DUSP10: variants seen among roughly 807,000 people sequenced by gnomAD.
DUSP10 encodes dual specificity protein phosphatase 10.
A neutral mutation model predicts 30.8 loss-of-function variants in DUSP10; 14 were observed. That is an observed-to-expected ratio of 0.46 (90% confidence interval 0.30 to 0.71). The LOEUF is 0.71. DUSP10 is among the 30% of genes least tolerant of loss of function. DUSP10 has a pLI of 0.08. For synonymous variants in DUSP10, 254 were observed against 250.4 expected (o/e 1.01, Z -0.14); for missense variants, 550 against 619.4 (o/e 0.89, Z 1.19).
At chr1:221,740,133 C>T (rs1661906856) in intron 1 of DUSP10, among the ~76,000 whole-genome samples, 1 of 152,160 alleles carries the variant, frequency 6.6e-6, no homozygotes, top group Non-Finnish European at 1.5e-5. Flanking sequence ...TCTTAAGAGG[C>T]ATCTATTCTG....
At chr1:221,721,531 G>A (rs1661277567) in intron 2 of DUSP10, among the ~76,000 whole-genome samples, 1 of 152,200 alleles carries the variant, frequency 6.6e-6, no homozygotes, top group Non-Finnish European at 1.5e-5. Context: ...TCCAAGGCTG[G>A]GAAGGAGGGC....
At chr1:221,721,987 C>T (rs998330914) in intron 2 of DUSP10, among the ~76,000 whole-genome samples, 5 of 152,162 alleles carry the variant, frequency 3.3e-5, no homozygotes, top group Admixed American at 1.3e-4. Context: ...TCACCAACCC[C>T]GGGTGGCCCT....
intron 3 of DUSP10, among the ~76,000 whole-genome samples, chr1:221,705,528 T>C (rs906590183): frequency 2.6e-5 from 4 of 152,168 alleles, no homozygotes; most frequent in African/African-American, 7.2e-5. Context: ...AACTTCCTCC[T>C]TGGGAACTAC....
chr1:221,706,068 TG>T lies in DUSP10; in HGVS notation c.1183+26del, dbSNP rs1365341628. ...CTGGAGGGAAAAGGAAGGCAGCGGA[TG>T]AAAATTCCCTATGGGAGATAGTTAC... is the stretch of plus-strand genomic sequence containing the variant. On this transcript the variant is annotated intron_variant, in intron 3 of 3. Transcript: ENST00000366899. The surrounding 1 kb of genome is among the most constrained non-coding windows in gnomAD (Gnocchi z 4.6). The T allele has an allele frequency of 6.3e-7, 1 of 1,594,524 alleles. No individual in the cohort carries two copies. Among genetic ancestry groups the T allele is most frequent in the East Asian group, 2.2e-5 (1 of 44,522 alleles).
rs1261606610 is a variant in DUSP10 at position 221,702,340 on chromosome 1, A to C, written c.*72T>G. 7 of 1,529,566 alleles carry C rather than the reference A, an allele frequency of 4.6e-6. No homozygotes were observed. The highest frequency in any genetic ancestry group is 4.2e-5 in the African/African-American group (3 of 71,482). 94.7% of individuals were successfully genotyped at this position (1,529,566 alleles called of 1,614,324 possible). A position where few individuals can be genotyped will look rare whatever the true frequency, so the allele number is the denominator to read the frequency against. On this transcript the variant is annotated 3_prime_UTR_variant, in exon 4 of 4. Coordinates refer to ENST00000366899, the MANE Select transcript of DUSP10 (RefSeq NM_007207.6). This position sits in a 1 kb window ranked among gnomAD's most constrained non-coding sequence, Gnocchi z 4.5. ...ACTACAAAAAAAAAAAGAAAGAAAA[A>C]AAACCAGAATCCATCCTCCTTCCTC...
chr1:221,706,376 G>T lies in DUSP10; in HGVS notation c.902C>A (p.Ser301Tyr), dbSNP rs766717513. The T allele has an allele frequency of 6.3e-7, 1 of 1,591,488 alleles. No homozygotes were observed. The highest frequency in any genetic ancestry group is 1.7e-5 in the Admixed American group (1 of 58,620). ...CTGAGGTAGCAAGCTCGAGGCCGCG[G>T]ATGCGCCGCCCCCCACCTCCCGGCA... ...QECREVGGGA[S>Y]AASSLLPQPI... The change falls in exon 3 of 4, where the codon TCC becomes TAC. Residue 301 changes from serine (S) to tyrosine (Y), a missense_variant. Transcript: ENST00000366899. The surrounding 1 kb of genome is among the most constrained non-coding windows in gnomAD (Gnocchi z 4.6).
intron 2 of DUSP10, among the ~76,000 whole-genome samples, chr1:221,725,754 C>G (rs905945286): frequency 1.3e-5 from 2 of 152,126 alleles, no homozygotes; most frequent in African/African-American, 4.8e-5. Context: ...GCACTAAAAC[C>G]TCAGGATTTA....
Position 221,702,328 on chromosome 1 carries a change from AAAG to A in DUSP10, c.*81_*83del. ...AACTTACTCCCAACTACAAAAAAAA[AAAG>A]AAAGAAAAAAAACCAGAATCCATCC... is the stretch of plus-strand genomic sequence containing the variant. On this transcript the variant is annotated 3_prime_UTR_variant, in exon 4 of 4. Transcript: ENST00000366899. This position sits in a 1 kb window ranked among gnomAD's most constrained non-coding sequence, Gnocchi z 4.5. 5 of 1,500,858 alleles carry A rather than the reference AAAG, an allele frequency of 3.3e-6. No homozygotes were observed. Among genetic ancestry groups the A allele is most frequent in the African/African-American group, 1.4e-5 (1 of 71,186 alleles). 93.0% of individuals were successfully genotyped at this position (1,500,858 alleles called of 1,614,324 possible). A position where few individuals can be genotyped will look rare whatever the true frequency, so the allele number is the denominator to read the frequency against.
rs1327235153 is a variant in DUSP10 at position 221,701,748 on chromosome 1, G to A, written c.*664C>T. 6.6e-6 allele frequency: 1 copy of A among 151,420 alleles called. No individual in the cohort carries two copies. The highest frequency in any genetic ancestry group is 1.5e-5 in the Non-Finnish European group (1 of 67,902). The allele number at this position is 151,420 out of a possible 1,614,324, so 9.4% of individuals were successfully genotyped here. ...AAAACATCATATTATTGCACAAGAA[G>A]CCAGTGAAGGCATATAATGGTCAGT... On this transcript the variant is annotated 3_prime_UTR_variant, in exon 4 of 4. Coordinates refer to ENST00000366899, the MANE Select transcript of DUSP10 (RefSeq NM_007207.6).
intron 2 of DUSP10, among the ~76,000 whole-genome samples, chr1:221,733,724 C>T (rs1661683539): frequency 6.6e-6 from 1 of 152,198 alleles, no homozygotes; most frequent in Non-Finnish European, 1.5e-5. Context: ...ATGAAGAAAA[C>T]CTGGCCTCTG....
chr1:221,709,002 TAAAA>T (rs58346899), intron 2 of DUSP10, among the ~76,000 whole-genome samples: 1 of 139,868 alleles, frequency 7.1e-6, no homozygotes, highest in Non-Finnish European at 1.5e-5. Context: ...GCAGCTAGTT[TAAAA>T]AAAAAAAAAA....
intron 2 of DUSP10, among the ~76,000 whole-genome samples, chr1:221,727,215 C>T (rs1661448395): frequency 6.6e-6 from 1 of 152,292 alleles, no homozygotes; most frequent in South Asian, 2.1e-4. Flanking sequence ...TATAAGGGAG[C>T]ATCAGCCGGC....
intron 2 of DUSP10, among the ~76,000 whole-genome samples, chr1:221,717,681 T>A (rs1186248568): frequency 6.6e-6 from 1 of 152,126 alleles, no homozygotes; most frequent in Non-Finnish European, 1.5e-5. Flanking sequence ...GCTCCTGTGA[T>A]GGGAGTAGTA....
At chr1:221,741,347 G>A (rs955622504) in intron 1 of DUSP10, among the ~76,000 whole-genome samples, 8 of 152,208 alleles carry the variant, frequency 5.3e-5, no homozygotes, top group Non-Finnish European at 1.0e-4. Flanking sequence ...TTTCTTCTGA[G>A]AGGGACGCAT....
intron 2 of DUSP10, among the ~76,000 whole-genome samples, chr1:221,729,384 A>G (rs1218458125): frequency 6.6e-6 from 1 of 152,238 alleles, no homozygotes; most frequent in Non-Finnish European, 1.5e-5. Flanking sequence ...AAGCACAACT[A>G]AAGCCACCAT....
At chr1:221,729,364 C>CA (rs1489133576) in intron 2 of DUSP10, among the ~76,000 whole-genome samples, 7 of 152,068 alleles carry the variant, frequency 4.6e-5, no homozygotes, top group Admixed American at 3.3e-4. Context: ...ACTAAGGCAC[C>CA]ACAGAGGTAA....
rs550026502 is a variant in DUSP10 at position 221,726,664 on chromosome 1, G to T, written c.811+12270C>A. 5.7e-5 allele frequency among the ~76,000 whole-genome samples: 7 copies of T among 123,392 alleles called. No individual in the cohort carries two copies. The East Asian group carries it at 1.7e-3, about 29-fold the overall frequency. The allele number at this position is 123,392 out of a possible 152,430, so 80.9% of individuals were successfully genotyped here. ...GACTTTTATAAGATTTCCTTACATA[G>T]AAATAGCATATAATTTTTCAGCACA... On this transcript the variant is annotated intron_variant, in intron 2 of 3. Coordinates refer to ENST00000366899, the MANE Select transcript of DUSP10 (RefSeq NM_007207.6).
rs534459671 is a variant in DUSP10, at chr1:221,737,050, G to C, written c.811+1884C>G. ...GCTGCATCCACAGGAAAGGGAGAGA[G>C]GATCCTCACTTTCACAAGTAGCACC... On this transcript the variant is annotated intron_variant, in intron 2 of 3. Coordinates refer to ENST00000366899, the MANE Select transcript of DUSP10 (RefSeq NM_007207.6). 188 of 985,416 alleles carry C rather than the reference G, an allele frequency of 1.9e-4. 1 individual carries two copies. Among genetic ancestry groups the C allele is most frequent in the Admixed American group, 5.5e-4 (9 of 16,282 alleles). The allele number at this position is 985,416 out of a possible 1,614,324, so 61.0% of individuals were successfully genotyped here.
At chr1:221,730,017 T>A (rs563119587) in intron 2 of DUSP10, among the ~76,000 whole-genome samples, 2 of 152,246 alleles carry the variant, frequency 1.3e-5, no homozygotes, top group African/African-American at 4.8e-5. Flanking sequence ...CTAGAAGATA[T>A]GTTGCTGTCA....
Sources: allele counts gnomAD v4.1 joint callset (sites outside exome capture counted in the v4.1 genomes callset), GRCh38; gene constraint gnomAD v4.1.1; non-coding constraint Gnocchi (gnomAD v3.1); transcripts MANE v1.5; gene names NCBI Gene and HGNC (gene_info 2026-07-23, HGNC 2026-07-21).